Variants in CHST12 observed in about 807,000 individuals in gnomAD.
The protein encoded by CHST12 is carbohydrate sulfotransferase 12.
In CHST12, 23 loss-of-function variants were observed where a neutral mutation model predicts 27.9. The ratio of observed to expected loss-of-function variants is 0.82; its 90% CI spans 0.59 to 1.17. The LOEUF is 1.17. Among genes scored for constraint, CHST12 ranks in the 50% most tolerant of loss-of-function variants. The pLI, the probability that CHST12 is intolerant of heterozygous loss-of-function variation, is 0.00. For synonymous variants in CHST12, 322 were observed against 273.0 expected (o/e 1.18, Z -1.77); for missense variants, 682 against 603.0 (o/e 1.13, Z -1.37).
chr7:2,418,462 G>T (rs1288283436), intron 1 of CHST12, among the ~76,000 whole-genome samples: 1 of 152,232 alleles, frequency 6.6e-6, no homozygotes, highest in Non-Finnish European at 1.5e-5. Context: ...CCGCAGGCGG[G>T]TTATACGTCT....
At chr7:2,421,719 G>A (rs1331083273) in intron 1 of CHST12, among the ~76,000 whole-genome samples, 1 of 151,952 alleles carries the variant, frequency 6.6e-6, no homozygotes, top group Non-Finnish European at 1.5e-5. Context: ...TTACAGGCAT[G>A]AGCTACTGCG....
intron 1 of CHST12, among the ~76,000 whole-genome samples, chr7:2,427,372 G>A (rs1190752054): frequency 6.6e-6 from 1 of 151,956 alleles, no homozygotes; most frequent in Non-Finnish European, 1.5e-5. Flanking sequence ...CCAGTGGTGT[G>A]TATCTGCAGT....
chr7:2,432,182 C>A (rs1400827777), intron 1 of CHST12, among the ~76,000 whole-genome samples: 1 of 93,056 alleles, frequency 1.1e-5, no homozygotes, highest in Non-Finnish European at 2.3e-5. Context: ...AAAAAATCAG[C>A]CTTGGGAAGA....
intron 1 of CHST12, among the ~76,000 whole-genome samples, chr7:2,413,245 G>A (rs141790452): frequency 0.011 from 1,728 of 152,264 alleles, 33 homozygotes; most frequent in African/African-American, 0.039. Flanking sequence ...GTGTCTGTGC[G>A]GAACTCTGCA....
At position 2,435,819 on chromosome 7, in the gene CHST12, T is replaced by C. The variant is rs1782459970; in HGVS notation, c.*1935T>C. On this transcript the variant is annotated 3_prime_UTR_variant, in exon 2 of 2. Transcript: ENST00000618655. Reference sequence around the variant, plus strand: ...AGCTTCGCTTTCTTTTATTTTTGTTTTGTTTTGTTTTTGGAGACAGGGTCT... The same window carrying C: ...AGCTTCGCTTTCTTTTATTTTTGTTCTGTTTTGTTTTTGGAGACAGGGTCT... 6.6e-6 allele frequency: 1 copy of C among 152,390 alleles called. No homozygotes were observed. Among genetic ancestry groups the C allele is most frequent in the South Asian group, 2.1e-4 (1 of 4,832 alleles). The allele number at this position is 152,390 out of a possible 1,614,324, so 9.4% of individuals were successfully genotyped here.
chr7:2,411,943 A>G (rs1425945344), intron 1 of CHST12, among the ~76,000 whole-genome samples: 1 of 152,228 alleles, frequency 6.6e-6, no homozygotes, highest in Non-Finnish European at 1.5e-5. Flanking sequence ...GTTTGGGAAT[A>G]TTGGACTGGT....
chr7:2,435,800 G>C lies in CHST12; in HGVS notation c.*1916G>C, dbSNP rs182576814. On this transcript the variant is annotated 3_prime_UTR_variant, in exon 2 of 2. Transcript: ENST00000618655. Reference sequence around the variant, plus strand: ...CTCCTGCCTTCCTTTCTGAAGCTTCGCTTTCTTTTATTTTTGTTTTGTTTT... The same window carrying C: ...CTCCTGCCTTCCTTTCTGAAGCTTCCCTTTCTTTTATTTTTGTTTTGTTTT... 2 of 152,264 alleles carry C rather than the reference G, an allele frequency of 1.3e-5. No individual in the cohort carries two copies. Among genetic ancestry groups the C allele is most frequent in the Non-Finnish European group, 2.9e-5 (2 of 68,166 alleles). 9.4% of individuals were successfully genotyped at this position (152,264 alleles called of 1,614,324 possible). A position where few individuals can be genotyped will look rare whatever the true frequency, so the allele number is the denominator to read the frequency against.
intron 1 of CHST12, among the ~76,000 whole-genome samples, chr7:2,413,194 C>T (rs1012134621): frequency 3.3e-5 from 5 of 152,230 alleles, no homozygotes; most frequent in Non-Finnish European, 7.3e-5. Flanking sequence ...AGAGGCCGGA[C>T]TTGGTCTCAG....
At position 2,432,777 on chromosome 7, in the gene CHST12, G is replaced by C. The variant is rs767773477; in HGVS notation, c.138G>C (p.Gly46=). 6.2e-7 allele frequency: 1 copy of C among 1,613,688 alleles called. No homozygotes were observed. The highest frequency in any genetic ancestry group is 1.7e-5 in the Admixed American group (1 of 60,006). ...LHTSFSRPHT[G]PPLPTPGPDR... is the part of the protein sequence containing the mutation. ...CGTCCTTCTCTAGGCCGCACACGGG[G>C]CCGCCGCTGCCCACGCCCGGGCCGG... is the stretch of plus-strand genomic sequence containing the variant. Residue 46 remains glycine (G), a synonymous_variant, in exon 2 of 2, where the codon GGG becomes GGC. Transcript: ENST00000618655.
At position 2,425,538 on chromosome 7, in the gene CHST12, T is replaced by C. The variant is rs76671597; in HGVS notation, c.-77-7025T>C. On this transcript the variant is annotated intron_variant, in intron 1 of 1. Transcript: ENST00000618655. ...TGAGTGCCTCTGGGGATCCATGCCC[T>C]GTGGCCACCATTGTTTCTGGATGTG... 6.0e-3 allele frequency among the ~76,000 whole-genome samples: 909 copies of C among 152,328 alleles called. 12 individuals carry two copies. Among genetic ancestry groups the C allele is most frequent in the African/African-American group, 0.021 (858 of 41,588 alleles).
At position 2,433,864 on chromosome 7, in the gene CHST12, G is replaced by A. The variant is rs774912345; in HGVS notation, c.1225G>A (p.Glu409Lys). 3.2e-6 allele frequency: 5 copies of A among 1,578,748 alleles called. No individual in the cohort carries two copies. The highest frequency in any genetic ancestry group is 4.3e-6 in the Non-Finnish European group (5 of 1,157,270). ...TGTTCTCTTCGGCTACCCCAAGCCC[G>A]AAAACCTCCTCCGAGACTGAAAGCT... ...DFVLFGYPKP[E>K]NLLRD is the part of the protein sequence containing the mutation. Residue 409 changes from glutamate to lysine, a missense_variant, in exon 2 of 2, where the codon GAA (glutamate) becomes AAA (lysine). Coordinates refer to ENST00000618655, the MANE Select transcript of CHST12 (RefSeq NM_018641.5). This position sits in a 1 kb window ranked among gnomAD's most constrained non-coding sequence, Gnocchi z 6.1.
rs186500812 is a variant in CHST12, at chr7:2,439,541, A to G, written c.*5657A>G. The stretch of plus-strand genomic sequence containing the variant: ...GTCCTCCCACCTCAGCCTCCCAAGT[A>G]GCTGGGACTACAGGCATGCACCACC... On this transcript the variant is annotated 3_prime_UTR_variant, in exon 2 of 2. Coordinates refer to ENST00000618655, the MANE Select transcript of CHST12 (RefSeq NM_018641.5). 1 of 151,812 alleles carries G rather than the reference A, an allele frequency of 6.6e-6. No homozygotes were observed. The highest frequency in any genetic ancestry group is 1.5e-5 in the Non-Finnish European group (1 of 67,990). 9.4% of individuals were successfully genotyped at this position (151,812 alleles called of 1,614,324 possible).
chr7:2,432,743 A>C lies in CHST12; in HGVS notation c.104A>C (p.Tyr35Ser). The C allele has an allele frequency of 6.2e-7, 1 of 1,613,790 alleles. No homozygotes were observed. The highest frequency in any genetic ancestry group is 1.7e-5 in the Admixed American group (1 of 60,012). ...YWDSAGAAHF[Y>S]LHTSFSRPHT... ...GACAGCGCAGGCGCCGCGCACTTCTACTTGCACACGTCCTTCTCTAGGCCG... is the reference window on the plus strand; with the variant it reads ...GACAGCGCAGGCGCCGCGCACTTCTCCTTGCACACGTCCTTCTCTAGGCCG... The change falls in exon 2 of 2, where the codon TAC becomes TCC. Residue 35 changes from tyrosine (Y) to serine (S), a missense_variant. By Grantham distance (144) the Tyr-to-Ser change is moderately radical (BLOSUM62 -2). Coordinates refer to ENST00000618655, the MANE Select transcript of CHST12 (RefSeq NM_018641.5).
chr7:2,415,384 T>A (rs191403447), intron 1 of CHST12, among the ~76,000 whole-genome samples: 3 of 152,004 alleles, frequency 2.0e-5, no homozygotes, highest in African/African-American at 7.2e-5. Context: ...AAAAAAGTTT[T>A]ATGTTTACAC....
At chr7:2,409,621 CAAA>C in intron 1 of CHST12, among the ~76,000 whole-genome samples, 1 of 40,118 alleles carries the variant, frequency 2.5e-5, no homozygotes, top group African/African-American at 1.8e-4. Flanking sequence ...GATCCTGTCT[CAAA>C]GAAAAAAAAA....
intron 1 of CHST12, among the ~76,000 whole-genome samples, chr7:2,406,386 A>T (rs1171358057): frequency 8.5e-6 from 1 of 116,976 alleles, no homozygotes; most frequent in South Asian, 3.2e-4. Context: ...ACAGTTGAGT[A>T]TGGGGTGGGG....
At chr7:2,428,264 G>A (rs1419934829) in intron 1 of CHST12, among the ~76,000 whole-genome samples, 6 of 149,466 alleles carry the variant, frequency 4.0e-5, no homozygotes, top group Middle Eastern at 3.4e-3. Flanking sequence ...GCACAATCTC[G>A]GCTCACTGCA....
intron 1 of CHST12, among the ~76,000 whole-genome samples, chr7:2,406,431 TATGGGGTGGGGGCACAG>T: frequency 4.2e-5 from 2 of 47,448 alleles, no homozygotes; most frequent in African/African-American, 1.8e-4. Flanking sequence ...AACAGTTGAG[TATGGGGTGGGGGCACAG>T]TTGAGTACGG....
In CHST12 at chr7:2,444,917, A is replaced by G. The variant is rs1000402601; in HGVS notation, c.*11033A>G. 6.6e-6 allele frequency: 1 copy of G among 152,210 alleles called. No homozygotes were observed. Among genetic ancestry groups the G allele is most frequent in the African/African-American group, 2.4e-5 (1 of 41,446 alleles). 9.4% of individuals were successfully genotyped at this position (152,210 alleles called of 1,614,324 possible). A position where few individuals can be genotyped will look rare whatever the true frequency, so the allele number is the denominator to read the frequency against. ...GCTTTTTTTTCAAAGCAGTTTGCAA[A>G]ATAACCGGGGCCTTAAAAAACAATC... On this transcript the variant is annotated 3_prime_UTR_variant, in exon 2 of 2. Coordinates refer to ENST00000618655, the MANE Select transcript of CHST12 (RefSeq NM_018641.5).
Sources: allele counts gnomAD v4.1 joint callset (sites outside exome capture counted in the v4.1 genomes callset), GRCh38; gene constraint gnomAD v4.1.1; non-coding constraint Gnocchi (gnomAD v3.1); transcripts MANE v1.5; gene names NCBI Gene and HGNC (gene_info 2026-07-23, HGNC 2026-07-21).